The following GRIK3 variants were observed in gnomAD, a reference collection of about 807,000 sequenced individuals.
The protein encoded by GRIK3 is glutamate ionotropic receptor kainate type subunit 3.
In GRIK3, 29 loss-of-function variants were observed where a neutral mutation model predicts 102.5. That is an observed-to-expected ratio of 0.28 (90% CI 0.21 to 0.39). GRIK3 has a LOEUF of 0.39. Among genes scored for constraint, GRIK3 ranks in the 10% least tolerant of loss-of-function variants. The pLI, the probability that GRIK3 is intolerant of heterozygous loss-of-function variation, is 1.00. For missense variants in GRIK3, 908 were observed against 1,252.4 expected (o/e 0.73, Z 4.15); for synonymous variants, 511 against 504.9 (o/e 1.01, Z -0.16).
intron 1 of GRIK3, among the ~76,000 whole-genome samples, chr1:36,992,420 G>C (rs2124006347): frequency 6.6e-6 from 1 of 152,280 alleles, no homozygotes; most frequent in South Asian, 2.1e-4. Context: ...AAGCAGAAGA[G>C]GGCCATAATG....
chr1:36,957,575 GTGCCCTGTGAGTCTC>G (rs1641934607), intron 1 of GRIK3, among the ~76,000 whole-genome samples: 2 of 132,722 alleles, frequency 1.5e-5, no homozygotes, highest in African/African-American at 5.7e-5. Flanking sequence ...CTGTGAGTCT[GTGCCCTGTGAGTCTC>G]TGTGCCCCGT....
chr1:36,959,738 T>C (rs822860), intron 1 of GRIK3, among the ~76,000 whole-genome samples: 5 of 106,896 alleles, frequency 4.7e-5, no homozygotes, highest in African/African-American at 1.6e-4. Flanking sequence ...GTCCCATGAG[T>C]CTGTGCGCCC....
intron 13 of GRIK3, among the ~76,000 whole-genome samples, chr1:36,814,564 A>G (rs975290175): frequency 7.0e-6 from 1 of 142,704 alleles, no homozygotes; most frequent in African/African-American, 2.6e-5. Context: ...TTATACACAC[A>G]TACATCCAGA....
At chr1:36,837,025 C>A (rs1241697916) in intron 10 of GRIK3, among the ~76,000 whole-genome samples, 4 of 151,984 alleles carry the variant, frequency 2.6e-5, no homozygotes, top group Admixed American at 6.5e-5. Flanking sequence ...CCTCCTTCAC[C>A]CCATGCTCTC....
chr1:36,824,746 G>A (rs556136137), intron 11 of GRIK3, among the ~76,000 whole-genome samples: 158 of 152,074 alleles, frequency 1.0e-3, no homozygotes, highest in Admixed American at 1.8e-3. Context: ...GGTGGGGAGC[G>A]GGCCCCAGCA....
intron 1 of GRIK3, among the ~76,000 whole-genome samples, chr1:37,005,421 G>T (rs977522061): frequency 6.6e-6 from 1 of 152,218 alleles, no homozygotes; most frequent in African/African-American, 2.4e-5. Context: ...GTTAAGGCAT[G>T]CTTATGTCCT....
chr1:36,970,563 G>A (rs929171476), intron 1 of GRIK3, among the ~76,000 whole-genome samples: 2 of 152,150 alleles, frequency 1.3e-5, no homozygotes, highest in African/African-American at 2.4e-5. Flanking sequence ...AGGATGGATG[G>A]GTGGATGAAT....
chr1:36,861,180 C>T (rs1466193555), intron 5 of GRIK3, among the ~76,000 whole-genome samples: 2 of 152,214 alleles, frequency 1.3e-5, no homozygotes, highest in Non-Finnish European at 2.9e-5. Context: ...CCTACTGGTT[C>T]CCTCGTTAGT....
chr1:36,947,448 C>G (rs1480951971), intron 1 of GRIK3, among the ~76,000 whole-genome samples: 1 of 152,186 alleles, frequency 6.6e-6, no homozygotes, highest in Admixed American at 6.5e-5. Flanking sequence ...CAAAAGCCTT[C>G]AGAGCCTGGC....
intron 1 of GRIK3, among the ~76,000 whole-genome samples, chr1:37,007,645 TGCGTCAG>T (rs1381560633): frequency 2.0e-5 from 3 of 152,250 alleles, no homozygotes; most frequent in African/African-American, 7.2e-5. Flanking sequence ...GTGCCTACTA[TGCGTCAG>T]GCCTTGGGCT....
At chr1:36,960,320 T>A (rs1253487622) in intron 1 of GRIK3, among the ~76,000 whole-genome samples, 4 of 151,848 alleles carry the variant, frequency 2.6e-5, no homozygotes, top group African/African-American at 9.7e-5. Context: ...CTGTGCCCCA[T>A]GAGCCTGTGT....
At chr1:36,939,727 C>A (rs1358702111) in intron 1 of GRIK3, among the ~76,000 whole-genome samples, 1 of 152,232 alleles carries the variant, frequency 6.6e-6, no homozygotes, top group East Asian at 1.9e-4. Flanking sequence ...TCCAAACCTC[C>A]CTTAATAATT....
At chr1:36,809,066 C>G (rs138557824) in intron 13 of GRIK3, among the ~76,000 whole-genome samples, 1 of 152,156 alleles carries the variant, frequency 6.6e-6, no homozygotes, top group Admixed American at 6.5e-5. Context: ...CCCTCTACTA[C>G]TAGAGGTGAG....
intron 1 of GRIK3, among the ~76,000 whole-genome samples, chr1:36,989,404 T>A (rs1642340965): frequency 6.6e-6 from 1 of 152,218 alleles, no homozygotes; most frequent in South Asian, 2.1e-4. Context: ...GAGTTCTGTC[T>A]GTGCTGGGGA....
Position 36,797,629 on chromosome 1 carries a change from C to T in GRIK3, c.*4222G>A, listed in dbSNP as rs1238780566. The stretch of plus-strand genomic sequence containing the variant: ...CATCCCAGATGATAAGTCCATGCAG[C>T]TGTTTGTCCAAACCTCTAGCCCCTT... On this transcript the variant is annotated 3_prime_UTR_variant, in exon 16 of 16. Coordinates refer to ENST00000373091, the MANE Select transcript of GRIK3 (RefSeq NM_000831.4). The T allele has an allele frequency of 6.6e-6, 1 of 152,298 alleles. No individual in the cohort carries two copies. The highest frequency in any genetic ancestry group is 1.9e-4 in the East Asian group (1 of 5,196). 9.4% of individuals were successfully genotyped at this position (152,298 alleles called of 1,614,324 possible).
At chr1:36,831,544 T>A (rs1187293631) in intron 10 of GRIK3, among the ~76,000 whole-genome samples, 1 of 152,212 alleles carries the variant, frequency 6.6e-6, no homozygotes, top group African/African-American at 2.4e-5. Flanking sequence ...ATGGTGCTAA[T>A]TAAAGTAGGT....
At chr1:36,968,681 G>A (rs1570833846) in intron 1 of GRIK3, among the ~76,000 whole-genome samples, 1 of 152,284 alleles carries the variant, frequency 6.6e-6, no homozygotes, top group Non-Finnish European at 1.5e-5. Flanking sequence ...ACAGCTGCTG[G>A]CCCCACCTGC....
intron 1 of GRIK3, among the ~76,000 whole-genome samples, chr1:36,938,808 C>G (rs553909524): frequency 6.6e-6 from 1 of 152,282 alleles, no homozygotes; most frequent in South Asian, 2.1e-4. Flanking sequence ...CAATGGAGTC[C>G]TTTCAAACAA....
At chr1:36,968,713 G>A (rs1642106653) in intron 1 of GRIK3, among the ~76,000 whole-genome samples, 1 of 152,196 alleles carries the variant, frequency 6.6e-6, no homozygotes, top group Non-Finnish European at 1.5e-5. Flanking sequence ...GTGGGGCAAG[G>A]CCAGGACTTG....
Sources: allele counts gnomAD v4.1 joint callset (sites outside exome capture counted in the v4.1 genomes callset), GRCh38; gene constraint gnomAD v4.1.1; transcripts MANE v1.5; gene names NCBI Gene and HGNC (gene_info 2026-07-23, HGNC 2026-07-21).